NAA38: variants seen among roughly 807,000 people sequenced by gnomAD.
NAA38 encodes LSM domain containing 1.
NAA38 carries 15 observed loss-of-function variants against 12.6 expected under a neutral mutation model. The ratio of observed to expected loss-of-function variants is 1.19; its 90% confidence interval spans 0.79 to 1.83. NAA38 has a LOEUF of 1.83. Among genes scored for constraint, NAA38 ranks in the 40% most tolerant of loss-of-function variants. The pLI, the probability that NAA38 is intolerant of heterozygous loss-of-function variation, is 0.00. For synonymous variants in NAA38, 88 were observed against 69.9 expected, an observed-to-expected ratio of 1.26 and a Z score of -1.29; for missense variants, 183 against 171.7, an observed-to-expected ratio of 1.07 and a Z score of -0.37.
At position 7,875,223 on chromosome 17, in the gene NAA38, C is replaced by G. The variant is rs77409240; in HGVS notation, c.-66+8012G>C. 5.7e-4 allele frequency among the ~76,000 whole-genome samples: 86 copies of G among 152,108 alleles called. No individual in the cohort carries two copies. In the East Asian group the frequency reaches 0.014, roughly 25 times the overall value. ...AACAAAACAAAACAAAACAAAAAACCCTCCATAAGTAATATTTTAATGGTT... is the reference window on the plus strand; with the variant it reads ...AACAAAACAAAACAAAACAAAAAACGCTCCATAAGTAATATTTTAATGGTT... On this transcript the variant is annotated intron_variant, in intron 2 of 4. Coordinates refer to the NAA38 transcript ENST00000576861.
At chr17:7,874,514 G>A (rs1967139659) in intron 2 of NAA38, among the ~76,000 whole-genome samples, 1 of 152,122 alleles carries the variant, frequency 6.6e-6, no homozygotes, top group African/African-American at 2.4e-5. Context: ...AAGGTAAGGA[G>A]CACACAGCAA....
At chr17:7,859,465 T>C, upstream of NAA38, 1 of 1,614,128 alleles carries the variant, frequency 6.2e-7, no homozygotes. Context: ...CGTGGAAATA[T>C]GAAGGGAAGA....
At chr17:7,858,437 A>C, upstream of NAA38, 1 of 1,614,216 alleles carries the variant, frequency 6.2e-7, no homozygotes, top group Non-Finnish European at 8.5e-7. Context: ...TGGAAGTTGC[A>C]GGCCAGGATA....
intron 2 of NAA38, among the ~76,000 whole-genome samples, chr17:7,881,272 T>TA (rs1555601938): frequency 6.6e-6 from 1 of 151,786 alleles, no homozygotes; most frequent in Non-Finnish European, 1.5e-5. Flanking sequence ...AGAAGTTAAC[T>TA]GGAAAAAGAA....
chr17:7,857,711 A>G, upstream of NAA38: 1 of 1,298,030 alleles, frequency 7.7e-7, no homozygotes, highest in Non-Finnish European at 9.8e-7. Flanking sequence ...TTTCTTACAC[A>G]TCCTTTAGAA....
At chr17:7,858,760 T>C (rs776883783), upstream of NAA38, 2 of 1,596,696 alleles carry the variant, frequency 1.3e-6, no homozygotes, top group South Asian at 1.1e-5. Flanking sequence ...GTGGGGCGGC[T>C]GTCTGCCAAG....
At chr17:7,856,978 A>G (rs761836552) in intron 2 of NAA38, 37 bp downstream of exon 2, 8 of 1,591,318 alleles carry the variant, frequency 5.0e-6, no homozygotes, top group Non-Finnish European at 5.1e-6. Context: ...AGGTTCCGCC[A>G]CATTACCAGG....
chr17:7,884,278 C>G (rs959492529), intron 1 of NAA38, among the ~76,000 whole-genome samples: 18 of 147,984 alleles, frequency 1.2e-4, no homozygotes, highest in African/African-American at 4.3e-4. Context: ...CCCCCCTCTC[C>G]CTTTCTTTAT....
rs377079849 is a variant in NAA38 at position 7,884,457 on chromosome 17, C to CATATATATATATATATAT, written c.-167+690_-167+707dup. On this transcript the variant is annotated intron_variant, in intron 1 of 4. Transcript: ENST00000576861. ...GAAGTCGAAAACTTTTATATATATA[C>CATATATATATATATATAT]ATATATATATATATATATATGTATA... Among the ~76,000 whole-genome samples the CATATATATATATATATAT allele has an allele frequency of 1.1e-4, 14 of 130,830 alleles. No individual in the cohort carries two copies. The East Asian group carries it at 1.9e-3, about 18-fold the overall frequency. 85.8% of individuals were successfully genotyped at this position (130,830 alleles called of 152,430 possible).
chr17:7,859,664 T>C (rs2078868676), upstream of NAA38: 1 of 1,567,466 alleles, frequency 6.4e-7, no homozygotes, highest in Non-Finnish European at 8.8e-7. Context: ...AGTTTGGCTT[T>C]TTCTGTGCCT....
intron 2 of NAA38, among the ~76,000 whole-genome samples, chr17:7,873,142 A>T (rs184544723): frequency 1.7e-4 from 26 of 152,242 alleles, no homozygotes; most frequent in African/African-American, 6.0e-4. Context: ...AGTTGAAGAA[A>T]CTGAAACTCT....
At position 7,857,017 on chromosome 17, in the gene NAA38, G is replaced by C; in HGVS notation, c.263C>G (p.Ser88Trp). 1.2e-6 allele frequency: 2 copies of C among 1,603,672 alleles called. No homozygotes were observed. The highest frequency in any genetic ancestry group is 2.2e-5 in the South Asian group (2 of 90,798). The change falls in exon 2 of 3, where the codon TCG becomes TGG. Residue 88 changes from serine (S) to tryptophan (W), a missense_variant and splice_region_variant. Physicochemically the swap from Ser to Trp is radical, Grantham distance 177 (BLOSUM62 -3). Coordinates refer to ENST00000575771, the MANE Select transcript of NAA38 (RefSeq NM_001320925.4). ...LGSAQEFLKPSDSFSAGEPRV... is the reference protein window; with the variant it reads ...LGSAQEFLKPWDSFSAGEPRV... ...GTGTGCATTCCCCGGGCACTGACCC[G>C]ACGGCTTGAGGAACTCCTGCGCCGA...
chr17:7,862,759 T>TA (rs781129831), upstream of NAA38: 421 of 137,004 alleles, frequency 3.1e-3, 5 homozygotes, highest in Middle Eastern at 7.6e-3. Flanking sequence ...AAAAAAAAGT[T>TA]AAAAAAAAAA....
chr17:7,866,655 C>T (rs1166965880), intron 2 of NAA38: 5 of 536,818 alleles, frequency 9.3e-6, no homozygotes, highest in Non-Finnish European at 1.4e-5. Context: ...CCACCTGGCT[C>T]CTTAAAGTTG....
At chr17:7,880,235 A>G (rs1443585808) in intron 2 of NAA38, among the ~76,000 whole-genome samples, 1 of 152,038 alleles carries the variant, frequency 6.6e-6, no homozygotes, top group Non-Finnish European at 1.5e-5. Context: ...AATCAGAAAA[A>G]GAGGCTAGAA....
intron 2 of NAA38, among the ~76,000 whole-genome samples, chr17:7,878,940 T>C (rs2151392528): frequency 6.6e-6 from 1 of 151,268 alleles, no homozygotes; most frequent in East Asian, 1.9e-4. Context: ...TGTGTATATA[T>C]GTTTAATAAT....
rs779242477 is a variant in NAA38 at position 7,857,029 on chromosome 17, A to T, written c.251T>A (p.Phe84Tyr). ...CNVILGSAQE[F>Y]LKPSDSFSAG... ...CGGGCACTGACCCGACGGCTTGAGG[A>T]ACTCCTGCGCCGAGCCCAGGATGAC... The change falls in exon 2 of 3, where the codon TTC becomes TAC. Residue 84 changes from phenylalanine to tyrosine, a missense_variant. Phe to Tyr is a conservative substitution (Grantham distance 22, BLOSUM62 3). Coordinates refer to ENST00000575771, the MANE Select transcript of NAA38 (RefSeq NM_001320925.4). 1 of 1,607,140 alleles carries T rather than the reference A, an allele frequency of 6.2e-7. No homozygotes were observed. Among genetic ancestry groups the T allele is most frequent in the Non-Finnish European group, 8.5e-7 (1 of 1,175,038 alleles).
chr17:7,857,519 T>G lies in NAA38; in HGVS notation c.-56A>C. 6.8e-7 allele frequency: 1 copy of G among 1,476,518 alleles called. No homozygotes were observed. Among genetic ancestry groups the G allele is most frequent in the Non-Finnish European group, 9.0e-7 (1 of 1,116,252 alleles). 91.5% of individuals were successfully genotyped at this position (1,476,518 alleles called of 1,614,324 possible). ...CTTCCTAAGCACCTTTCAGGTTGGG[T>G]GGTCCGAGATCTCGCGAGCGCTCCC... On this transcript the variant is annotated 5_prime_UTR_variant, in exon 1 of 3. Coordinates refer to ENST00000575771, the MANE Select transcript of NAA38 (RefSeq NM_001320925.4).
chr17:7,877,147 G>T, intron 2 of NAA38: 1 of 314,036 alleles, frequency 3.2e-6, no homozygotes, highest in Non-Finnish European at 6.3e-6. Flanking sequence ...AATCAATGAA[G>T]CTACTTAATT....
Sources: allele counts gnomAD v4.1 joint callset (sites outside exome capture counted in the v4.1 genomes callset), GRCh38; gene constraint gnomAD v4.1.1; transcripts MANE v1.5; gene names NCBI Gene and HGNC (gene_info 2026-07-23, HGNC 2026-07-21).